Variants in ADARB2 observed in about 807,000 individuals in gnomAD.
ADARB2 encodes inactive double-stranded RNA-specific editase B2.
A neutral mutation model predicts 62.2 loss-of-function variants in ADARB2; 25 were observed. That is an observed-to-expected ratio of 0.40 (90% CI 0.29 to 0.56). The LOEUF (loss-of-function observed/expected upper bound fraction) is 0.56, where lower values mean the gene tolerates loss of function less well. Among genes scored for constraint, ADARB2 ranks in the 20% least tolerant of loss-of-function variants. The probability of loss-of-function intolerance (pLI) is 0.43; values close to 1 mark genes in which losing one functional copy is unlikely to be tolerated. For missense variants in ADARB2, 1,071 were observed against 1,077.4 expected (o/e 0.99, Z 0.08); for synonymous variants, 572 against 500.8 (o/e 1.14, Z -1.90).
intron 1 of ADARB2, among the ~76,000 whole-genome samples, chr10:1,598,827 G>C (rs578259907): frequency 9.8e-5 from 15 of 152,336 alleles, no homozygotes; most frequent in African/African-American, 3.4e-4. Flanking sequence ...AGAAGCGAAG[G>C]GATCTCCCAG....
chr10:1,647,687 T>G (rs1392185821), intron 1 of ADARB2, among the ~76,000 whole-genome samples: 1 of 152,018 alleles, frequency 6.6e-6, no homozygotes, highest in Non-Finnish European at 1.5e-5. Context: ...TATACATGTG[T>G]GTATGTGTGC....
At position 1,232,605 on chromosome 10, in the gene ADARB2, GTGTT is replaced by G. The variant is rs556512332; in HGVS notation, c.1513+1085_1513+1088del. ...GGTATGCATGTGGTATATGTGGTAT[GTGTT>G]TGTGGTATATGATGTGTGTGGTGTA... is the stretch of plus-strand genomic sequence containing the variant. On this transcript the variant is annotated intron_variant, in intron 6 of 9. Transcript: ENST00000381312. Among the ~76,000 whole-genome samples the G allele has an allele frequency of 4.6e-3, 701 of 151,076 alleles. 5 individuals are homozygous for G. Among genetic ancestry groups the G allele is most frequent in the African/African-American group, 0.014 (581 of 40,930 alleles).
At chr10:1,275,635 C>T (rs1478011377) in intron 3 of ADARB2, among the ~76,000 whole-genome samples, 6 of 151,048 alleles carry the variant, frequency 4.0e-5, no homozygotes, top group Admixed American at 3.9e-4. Context: ...TTAGGTATAT[C>T]TCCTAATGCT....
intron 1 of ADARB2, among the ~76,000 whole-genome samples, chr10:1,732,894 G>T (rs894617833): frequency 5.3e-5 from 8 of 152,166 alleles, no homozygotes; most frequent in African/African-American, 1.9e-4. Flanking sequence ...CTTTTTATTT[G>T]CATTTCACAA....
In ADARB2 at chr10:1,645,577, A is replaced by C. The variant is rs147311934; in HGVS notation, c.100+91474T>G. On this transcript the variant is annotated intron_variant, in intron 1 of 9. Coordinates refer to ENST00000381312, the MANE Select transcript of ADARB2 (RefSeq NM_018702.4). ...TCCTCACCTGGTCTAAGGATGCCTCAGTCACACAAAACCAAAACTCACACC... is the reference window on the plus strand; with the variant it reads ...TCCTCACCTGGTCTAAGGATGCCTCCGTCACACAAAACCAAAACTCACACC... Among the ~76,000 whole-genome samples the C allele has an allele frequency of 3.8e-3, 575 of 152,336 alleles. 3 individuals are homozygous for C. The highest frequency in any genetic ancestry group is 0.013 in the African/African-American group (529 of 41,586).
At chr10:1,690,729 C>T (rs1182179706) in intron 1 of ADARB2, among the ~76,000 whole-genome samples, 1 of 152,182 alleles carries the variant, frequency 6.6e-6, no homozygotes, top group Non-Finnish European at 1.5e-5. Context: ...TGACTGCACC[C>T]CGTGGATGTC....
chr10:1,366,614 C>G (rs375310226), intron 2 of ADARB2, among the ~76,000 whole-genome samples: 1 of 152,138 alleles, frequency 6.6e-6, no homozygotes, highest in East Asian at 1.9e-4. Context: ...ATTAGTTGGT[C>G]GCAGTGCAGT....
intron 1 of ADARB2, among the ~76,000 whole-genome samples, chr10:1,655,032 C>T (rs912473727): frequency 3.3e-5 from 5 of 152,236 alleles, no homozygotes; most frequent in African/African-American, 1.2e-4. Context: ...CGGGAGGAAT[C>T]TCACTTCCCC....
At chr10:1,519,631 C>T (rs1344401611) in intron 1 of ADARB2, among the ~76,000 whole-genome samples, 3 of 152,118 alleles carry the variant, frequency 2.0e-5, no homozygotes, top group African/African-American at 7.2e-5. Context: ...CGGGCCCTAC[C>T]TTTGGGTCCG....
chr10:1,428,027 C>T (rs530178869), intron 1 of ADARB2, among the ~76,000 whole-genome samples: 1 of 151,194 alleles, frequency 6.6e-6, no homozygotes, highest in Admixed American at 6.6e-5. Context: ...TGCAGTGATG[C>T]AATCTTGATC....
At chr10:1,636,305 C>T (rs1258148917) in intron 1 of ADARB2, among the ~76,000 whole-genome samples, 1 of 152,050 alleles carries the variant, frequency 6.6e-6, no homozygotes, top group African/African-American at 2.4e-5. Context: ...TCACTTGAGC[C>T]CAGGAGTTTG....
chr10:1,496,362 G>C (rs1831691658), intron 1 of ADARB2, among the ~76,000 whole-genome samples: 1 of 146,260 alleles, frequency 6.8e-6, no homozygotes, highest in South Asian at 2.2e-4. Flanking sequence ...ATTGTCATCA[G>C]CACCACCATC....
intron 1 of ADARB2, among the ~76,000 whole-genome samples, chr10:1,656,241 C>T (rs549334817): frequency 2.6e-5 from 4 of 152,204 alleles, no homozygotes; most frequent in Admixed American, 6.5e-5. Flanking sequence ...TGAAATAATC[C>T]CCCTTGTGTT....
At chr10:1,644,446 G>A (rs189221459) in intron 1 of ADARB2, among the ~76,000 whole-genome samples, 147 of 152,348 alleles carry the variant, frequency 9.6e-4, no homozygotes, top group Non-Finnish European at 1.6e-3. Context: ...ATCCAAGCTC[G>A]GTCGGGGGAG....
intron 3 of ADARB2, among the ~76,000 whole-genome samples, chr10:1,308,322 C>T (rs1036034454): frequency 1.3e-5 from 2 of 152,146 alleles, no homozygotes; most frequent in Non-Finnish European, 2.9e-5. Context: ...TTTATGTTTC[C>T]TCCCTGTCTT....
intron 8 of ADARB2, among the ~76,000 whole-genome samples, chr10:1,190,068 CA>C (rs1202771361): frequency 6.6e-6 from 1 of 152,086 alleles, no homozygotes; most frequent in African/African-American, 2.4e-5. Flanking sequence ...CGTCTGAACT[CA>C]GAAAACGTGA....
intron 6 of ADARB2, among the ~76,000 whole-genome samples, chr10:1,219,700 ATGGTGGTGG>A (rs906046086): frequency 6.6e-6 from 1 of 151,880 alleles, no homozygotes; most frequent in African/African-American, 2.4e-5. Context: ...AATGGAGGTA[ATGGTGGTGG>A]TGATGGTGTT....
rs376524121 is a variant in ADARB2 at position 1,729,681 on chromosome 10, C to T, written c.100+7370G>A. ...CAGCGCCCTAGGTATATGCTTTGAGCTCTCCTGCTATGGGTCTCAAGTCCT... is the reference window on the plus strand; with the variant it reads ...CAGCGCCCTAGGTATATGCTTTGAGTTCTCCTGCTATGGGTCTCAAGTCCT... On this transcript the variant is annotated intron_variant, in intron 1 of 9. Coordinates refer to ENST00000381312, the MANE Select transcript of ADARB2 (RefSeq NM_018702.4). 1.2e-4 allele frequency among the ~76,000 whole-genome samples: 18 copies of T among 152,286 alleles called. 1 individual carries two copies. In the South Asian group the frequency reaches 3.7e-3, roughly 32 times the overall value.
chr10:1,505,669 T>C (rs958257770), intron 1 of ADARB2, among the ~76,000 whole-genome samples: 2 of 114,104 alleles, frequency 1.8e-5, no homozygotes, highest in Non-Finnish European at 4.3e-5. Context: ...CACCTCCCCA[T>C]GCCCGTGGTT....
Sources: allele counts gnomAD v4.1 joint callset (sites outside exome capture counted in the v4.1 genomes callset), GRCh38; gene constraint gnomAD v4.1.1; transcripts MANE v1.5; gene names NCBI Gene and HGNC (gene_info 2026-07-23, HGNC 2026-07-21).